LTF: variants seen among roughly 807,000 people sequenced by gnomAD.
The protein encoded by LTF is lactotransferrin, also known as epididymis luminal protein 110.
LTF carries 91 observed loss-of-function variants against 87.2 expected under a neutral mutation model. The observed-to-expected ratio is 1.04, with a 90% CI of 0.88 to 1.24. The LOEUF (loss-of-function observed/expected upper bound fraction) is 1.24. Among genes scored for constraint, LTF ranks in the 50% most tolerant of loss-of-function variants. The probability of loss-of-function intolerance (pLI) is 0.00; values close to 1 mark genes in which losing one functional copy is unlikely to be tolerated. For missense variants in LTF, 901 were observed against 904.3 expected, an observed-to-expected ratio of 1.00 and a Z score of 0.05; for synonymous variants, 378 against 356.1, an observed-to-expected ratio of 1.06 and a Z score of -0.69.
intron 1 of LTF, among the ~76,000 whole-genome samples, chr3:46,472,014 G>T (rs1411670112): frequency 6.6e-6 from 1 of 151,966 alleles, no homozygotes; most frequent in Non-Finnish European, 1.5e-5. Context: ...GAGGGTCCTT[G>T]GCAGCCCAGG....
intron 1 of LTF, among the ~76,000 whole-genome samples, chr3:46,472,790 G>A (rs192970046): frequency 5.9e-5 from 9 of 152,152 alleles, no homozygotes; most frequent in Admixed American, 2.6e-4. Context: ...GCTAAATGTT[G>A]CCCCATTTGT....
intron 1 of LTF, among the ~76,000 whole-genome samples, chr3:46,482,325 T>A (rs1703442653): frequency 6.6e-6 from 1 of 151,660 alleles, no homozygotes; most frequent in Non-Finnish European, 1.5e-5. Context: ...TAAAAATTAG[T>A]CTGGCTTGGT....
At chr3:46,461,487 C>T (rs1703079384) in intron 1 of LTF, among the ~76,000 whole-genome samples, 1 of 152,232 alleles carries the variant, frequency 6.6e-6, no homozygotes, top group Non-Finnish European at 1.5e-5. Context: ...TGCCCCACAA[C>T]ATGAACGAGC....
intron 12 of LTF, among the ~76,000 whole-genome samples, chr3:46,444,097 G>A (rs1219864915): frequency 6.6e-6 from 1 of 152,200 alleles, no homozygotes; most frequent in East Asian, 1.9e-4. Context: ...AAACATCCTT[G>A]AAAGACAATT....
At chr3:46,479,586 C>T (rs918514680) in intron 1 of LTF, among the ~76,000 whole-genome samples, 5 of 152,142 alleles carry the variant, frequency 3.3e-5, no homozygotes, top group African/African-American at 7.2e-5. Context: ...TGCAGTGGCA[C>T]GATCTCAACT....
chr3:46,441,660 C>T, intron 13 of LTF, 177 bp from the exon 14 acceptor site: 2 of 566,324 alleles, frequency 3.5e-6, no homozygotes, highest in Non-Finnish European at 6.3e-6. Context: ...ACCTGCCCTC[C>T]TTTTAAAACC....
In LTF at chr3:46,482,802, G is replaced by GGAAAGAAA. The variant is rs34589936; in HGVS notation, c.-320+2176_-320+2183dup. ...GAAAAAGAAAGAAAGAAAGAAGGAA[G>GGAAAGAAA]GAAAGAAAGAAAGAAAGAAAGAGAA... On this transcript the variant is annotated intron_variant, in intron 1 of 19. Coordinates refer to the LTF transcript ENST00000443496. Among the ~76,000 whole-genome samples, 1,214 of 131,190 alleles carry GGAAAGAAA rather than the reference G, an allele frequency of 9.3e-3. 30 individuals carry two copies. The highest frequency in any genetic ancestry group is 0.033 in the African/African-American group (1,124 of 34,398). The allele number at this position is 131,190 out of a possible 152,430, so 86.1% of individuals were successfully genotyped here. A position where few individuals can be genotyped will look rare whatever the true frequency, so the allele number is the denominator to read the frequency against.
Position 46,443,440 on chromosome 3 carries a change from C to T in LTF, c.1655+1G>A. ...CTGATGGAGCTCAGTCACAGACTCA[C>T]CGGAAAGCCCCAGTGTAGCCGTAGT... On this transcript the variant is annotated splice_donor_variant, in intron 13 of 16. Transcript: ENST00000231751. LOFTEE classifies it high-confidence loss of function. 1 of 1,614,114 alleles carries T rather than the reference C, an allele frequency of 6.2e-7. No homozygotes were observed. Among genetic ancestry groups the T allele is most frequent in the Non-Finnish European group, 8.5e-7 (1 of 1,180,030 alleles).
intron 14 of LTF, among the ~76,000 whole-genome samples, chr3:46,440,832 T>C (rs559444011): frequency 7.9e-5 from 12 of 152,240 alleles, no homozygotes; most frequent in African/African-American, 2.4e-4. Context: ...CAGATGCAGA[T>C]TGGAAGGTAG....
At chr3:46,483,438 G>A (rs1575331385) in intron 1 of LTF, among the ~76,000 whole-genome samples, 3 of 152,366 alleles carry the variant, frequency 2.0e-5, no homozygotes, top group African/African-American at 7.2e-5. Context: ...ACTAAGCAGT[G>A]AGAATGAGCT....
In LTF at chr3:46,449,918, C is replaced by CGGG. The variant is rs1445305399; in HGVS notation, c.990_992dup (p.Pro331dup). 1.9e-6 allele frequency: 3 copies of CGGG among 1,614,068 alleles called. No homozygotes were observed. Among genetic ancestry groups the CGGG allele is most frequent in the Non-Finnish European group, 2.5e-6 (3 of 1,180,038 alleles). ...CAAGGTACAGCCCAGAATCTATCCT[C>CGGG]GGGGGCACCCTCGAAAACCCAATGG... On this transcript the variant is annotated inframe_insertion, in exon 8 of 17. Transcript: ENST00000231751.
intron 1 of LTF, 115 bp from the exon 2 acceptor site, chr3:46,459,934 T>C: frequency 1.5e-6 from 1 of 659,174 alleles, no homozygotes; most frequent in Non-Finnish European, 2.3e-6. Flanking sequence ...CCTCCTTCCC[T>C]CTCCATTTCA....
intron 6 of LTF, 134 bp from the exon 7 acceptor site, chr3:46,450,807 G>A (rs1247707920): frequency 1.3e-6 from 1 of 741,112 alleles, no homozygotes; most frequent in Non-Finnish European, 2.3e-6. Context: ...CAGAAAGGCA[G>A]GGGTTTGCTC....
At chr3:46,456,162 C>T (rs922886504) in intron 3 of LTF, 128 bp downstream of exon 3, 2 of 931,268 alleles carry the variant, frequency 2.1e-6, no homozygotes, top group Non-Finnish European at 3.2e-6. Flanking sequence ...CAGAGCCCAG[C>T]GACTCCATTC....
intron 8 of LTF, among the ~76,000 whole-genome samples, chr3:46,449,475 C>G (rs1053976869): frequency 6.6e-6 from 1 of 152,118 alleles, no homozygotes; most frequent in African/African-American, 2.4e-5. Flanking sequence ...AGAGAAGGAG[C>G]CATAGCTGAG....
At position 46,454,299 on chromosome 3, in the gene LTF, T is replaced by C. The variant is rs749253226; in HGVS notation, c.703+6A>G. 13 of 1,613,896 alleles carry C rather than the reference T, an allele frequency of 8.1e-6. No individual in the cohort carries two copies. In the Admixed American group the frequency reaches 2.0e-4, roughly 25 times the overall value. Reference sequence around the variant, plus strand: ...CAGTACCCACGGCTCATTACCCTGCTCTTACCAAACACTGTGCTCTCTCTG... The same window carrying C: ...CAGTACCCACGGCTCATTACCCTGCCCTTACCAAACACTGTGCTCTCTCTG... On this transcript the variant is annotated splice_donor_region_variant and intron_variant, in intron 6 of 16. Transcript: ENST00000231751.
chr3:46,463,812 G>T, intron 1 of LTF: 1 of 182,362 alleles, frequency 5.5e-6, no homozygotes, highest in Non-Finnish European at 1.0e-5. Context: ...GTCCCAATCT[G>T]TCTTAGAGAA....
At chr3:46,482,173 A>T (rs922883430) in intron 1 of LTF, among the ~76,000 whole-genome samples, 5 of 152,124 alleles carry the variant, frequency 3.3e-5, no homozygotes, top group African/African-American at 1.2e-4. Context: ...ACATTTTCTC[A>T]GGCTGGGCAC....
chr3:46,458,052 G>A (rs1025533917), intron 2 of LTF, among the ~76,000 whole-genome samples: 6 of 151,978 alleles, frequency 3.9e-5, no homozygotes, highest in Non-Finnish European at 7.4e-5. Flanking sequence ...CCAAAGTGCT[G>A]GGATTACAGA....
Sources: allele counts gnomAD v4.1 joint callset (sites outside exome capture counted in the v4.1 genomes callset), GRCh38; gene constraint gnomAD v4.1.1; transcripts MANE v1.5; gene names NCBI Gene and HGNC (gene_info 2026-07-23, HGNC 2026-07-21).